Variants in FARP1 observed in about 807,000 individuals in gnomAD.
FARP1 encodes FERM, ARHGEF and pleckstrin domain-containing protein 1.
Under a neutral mutation model 128.8 loss-of-function variants are expected in FARP1, and 52 were observed. The ratio of observed to expected loss-of-function variants is 0.40; its 90% CI spans 0.32 to 0.51. The LOEUF (loss-of-function observed/expected upper bound fraction) is 0.51, where lower values mean the gene tolerates loss of function less well. Ranked by LOEUF, FARP1 falls within the 20% of genes least tolerant of loss-of-function variation. FARP1 has a pLI of 0.45. For missense variants in FARP1, 1,333 were observed against 1,367.9 expected, an observed-to-expected ratio of 0.97 and a Z score of 0.40; for synonymous variants, 580 against 551.8, an observed-to-expected ratio of 1.05 and a Z score of -0.72.
intron 2 of FARP1, among the ~76,000 whole-genome samples, chr13:98,342,434 C>G (rs1050605877): frequency 6.6e-6 from 1 of 152,188 alleles, no homozygotes; most frequent in Non-Finnish European, 1.5e-5. Context: ...TACGGTGGCT[C>G]GTACCTGTAG....
At chr13:98,281,574 C>T (rs1045192900) in intron 2 of FARP1, among the ~76,000 whole-genome samples, 3 of 152,148 alleles carry the variant, frequency 2.0e-5, no homozygotes, top group Non-Finnish European at 4.4e-5. Context: ...TCCCATACAA[C>T]AAGCACAAGA....
chr13:98,265,483 C>A lies in FARP1; in HGVS notation c.171+52070C>A, dbSNP rs550316543. Among the ~76,000 whole-genome samples, 11 of 150,902 alleles carry A rather than the reference C, an allele frequency of 7.3e-5. 1 individual carries two copies. The highest frequency in any genetic ancestry group is 4.6e-4 in the Admixed American group (7 of 15,126). On this transcript the variant is annotated intron_variant, in intron 2 of 26. Coordinates refer to ENST00000319562, the MANE Select transcript of FARP1 (RefSeq NM_005766.4). Reference sequence around the variant, plus strand: ...TACAGGCGCCCGCCACTACGCCCGGCTAATTTTTTGTATTTTTAGTAGAGA... The same window carrying A: ...TACAGGCGCCCGCCACTACGCCCGGATAATTTTTTGTATTTTTAGTAGAGA...
rs573267330 is a variant in FARP1 at position 98,449,969 on chromosome 13, C to T, written c.*1652C>T. 6.6e-6 allele frequency: 1 copy of T among 152,348 alleles called. No individual in the cohort carries two copies. Among genetic ancestry groups the T allele is most frequent in the South Asian group, 2.1e-4 (1 of 4,816 alleles). The allele number at this position is 152,348 out of a possible 1,614,324, so 9.4% of individuals were successfully genotyped here. On this transcript the variant is annotated 3_prime_UTR_variant, in exon 27 of 27. Coordinates refer to ENST00000319562, the MANE Select transcript of FARP1 (RefSeq NM_005766.4). ...GCCACACAGCAGCATCAGGCTCCCT[C>T]CAGAAGTCACCACTCACTCATTCCT...
intron 2 of FARP1, among the ~76,000 whole-genome samples, chr13:98,266,236 C>T (rs149738286): frequency 2.6e-5 from 4 of 152,242 alleles, no homozygotes; most frequent in Admixed American, 2.0e-4. Flanking sequence ...GCGATTTGTA[C>T]ATTATTTCAT....
At chr13:98,184,293 T>C (rs1471942413) in intron 1 of FARP1, among the ~76,000 whole-genome samples, 1 of 152,128 alleles carries the variant, frequency 6.6e-6, no homozygotes, top group Non-Finnish European at 1.5e-5. Flanking sequence ...AATTTTTGTA[T>C]TTTTAGTAGA....
chr13:98,338,153 T>G (rs535549350), intron 2 of FARP1, among the ~76,000 whole-genome samples: 13 of 152,318 alleles, frequency 8.5e-5, no homozygotes, highest in Admixed American at 5.9e-4. Flanking sequence ...AAACTTACCG[T>G]TTTTACATGT....
intron 1 of FARP1, among the ~76,000 whole-genome samples, chr13:98,193,060 C>CTT (rs749551572): frequency 1.2e-4 from 17 of 142,622 alleles, no homozygotes; most frequent in Admixed American, 2.1e-4. Flanking sequence ...CCAGACTGTT[C>CTT]TTTTTTTTTT....
At chr13:98,419,045 G>A (rs576686993) in intron 16 of FARP1, among the ~76,000 whole-genome samples, 3 of 152,328 alleles carry the variant, frequency 2.0e-5, no homozygotes, top group African/African-American at 4.8e-5. Context: ...CCAAAGGCGC[G>A]GCGTTCCCGG....
intron 13 of FARP1, chr13:98,395,763 C>T: frequency 2.4e-6 from 1 of 418,912 alleles, no homozygotes; most frequent in East Asian, 3.5e-5. Context: ...ATTCAGCAGA[C>T]ATCACCTTTG....
Position 98,189,262 on chromosome 13 carries a change from C to CTT in FARP1, c.-23-23944_-23-23943dup, listed in dbSNP as rs11440978. ...TTAAGGCTGTGGTCAGAAATGAGTA[C>CTT]TTTTTTTTTTTTTTTGGTCATCATA... On this transcript the variant is annotated intron_variant, in intron 1 of 26. Coordinates refer to ENST00000319562, the MANE Select transcript of FARP1 (RefSeq NM_005766.4). 1.1e-3 allele frequency among the ~76,000 whole-genome samples: 161 copies of CTT among 143,720 alleles called. 2 individuals are homozygous for CTT. The highest frequency in any genetic ancestry group is 0.01 in the South Asian group (46 of 4,480). The allele number at this position is 143,720 out of a possible 152,430, so 94.3% of individuals were successfully genotyped here.
At chr13:98,302,757 T>C (rs957950118) in intron 2 of FARP1, among the ~76,000 whole-genome samples, 1 of 152,200 alleles carries the variant, frequency 6.6e-6, no homozygotes, top group Admixed American at 6.5e-5. Flanking sequence ...GTAGCATGGT[T>C]GATATTGATC....
chr13:98,390,371 A>G (rs78080035), intron 10 of FARP1, among the ~76,000 whole-genome samples: 65 of 152,374 alleles, frequency 4.3e-4, no homozygotes, highest in African/African-American at 1.5e-3. Context: ...CTCTCTCAGT[A>G]GAAGTACAGT....
chr13:98,419,141 A>T (rs1891495751), intron 16 of FARP1, among the ~76,000 whole-genome samples: 2 of 152,160 alleles, frequency 1.3e-5, no homozygotes, highest in Non-Finnish European at 2.9e-5. Context: ...TTTAATGAAA[A>T]ATCCACATAT....
intron 16 of FARP1, among the ~76,000 whole-genome samples, chr13:98,417,348 T>G (rs560770560): frequency 6.7e-6 from 1 of 148,898 alleles, no homozygotes; most frequent in African/African-American, 2.5e-5. Flanking sequence ...AAAAGAGAGC[T>G]GAGGGCAGAA....
At chr13:98,210,543 G>A (rs1880618854) in intron 1 of FARP1, among the ~76,000 whole-genome samples, 1 of 128,642 alleles carries the variant, frequency 7.8e-6, no homozygotes, top group African/African-American at 2.9e-5. Context: ...TTTCTTTTTC[G>A]TTTTTCTATC....
intron 5 of FARP1, among the ~76,000 whole-genome samples, chr13:98,372,180 A>G (rs1889369952): frequency 7.1e-6 from 1 of 141,492 alleles, no homozygotes; most frequent in South Asian, 2.2e-4. Flanking sequence ...TCCGCCTCGT[A>G]GGTTCAAGCG....
chr13:98,143,653 CGGG>C (rs1875254523), intron 1 of FARP1, among the ~76,000 whole-genome samples, 161 bp downstream of exon 1: 1 of 150,846 alleles, frequency 6.6e-6, no homozygotes, highest in South Asian at 2.1e-4. Flanking sequence ...CCTGCGCAGT[CGGG>C]CGGCGGGTCG....
intron 2 of FARP1, among the ~76,000 whole-genome samples, chr13:98,264,432 CT>C (rs1884008099): frequency 6.6e-6 from 1 of 152,198 alleles, no homozygotes; most frequent in South Asian, 2.1e-4. Context: ...TGGATCCATG[CT>C]GTCCGTGCTC....
chr13:98,377,770 G>A (rs771158192), intron 5 of FARP1, 51 bp from the exon 6 acceptor site: 10 of 1,391,948 alleles, frequency 7.2e-6, no homozygotes, highest in African/African-American at 1.4e-5. Flanking sequence ...CCAGGTTCCC[G>A]GTGACCTCCT....
Sources: gnomAD v4.1 joint callset for allele counts (sites outside exome capture counted in the v4.1 genomes callset) on GRCh38, gnomAD v4.1.1 for gene constraint, MANE v1.5 for transcripts, NCBI Gene and HGNC (gene_info 2026-07-23, HGNC 2026-07-21) for gene names.